RYR3: variants seen among roughly 807,000 people sequenced by gnomAD.
RYR3 encodes the protein ryanodine receptor 3, also known as brain ryanodine receptor-calcium release channel.
Under a neutral mutation model 584.3 loss-of-function variants are expected in RYR3, and 207 were observed. The observed-to-expected ratio is 0.35, with a 90% CI of 0.32 to 0.40. The LOEUF (loss-of-function observed/expected upper bound fraction) is 0.40, where lower values mean the gene tolerates loss of function less well. Among genes scored for constraint, RYR3 ranks in the 10% least tolerant of loss-of-function variants. The pLI is 1.00. For missense variants in RYR3, 5,616 were observed against 6,089.2 expected (o/e 0.92, Z 2.59); for synonymous variants, 2,416 against 2,248.5 (o/e 1.07, Z -2.11).
chr15:33,697,050 A>G (rs1034111429), intron 39 of RYR3, among the ~76,000 whole-genome samples: 1 of 152,148 alleles, frequency 6.6e-6, no homozygotes. Context: ...TGTTTTGCAG[A>G]TGAGAACACC....
chr15:33,854,615 G>T, intron 97 of RYR3, 151 bp from the exon 98 acceptor site: 1 of 1,107,210 alleles, frequency 9.0e-7, no homozygotes, highest in Non-Finnish European at 1.3e-6. Context: ...GGTAGATGGG[G>T]CTCACTTAGC....
At chr15:33,698,102 C>G (rs977732192) in intron 40 of RYR3, 106 bp downstream of exon 40, 2 of 757,110 alleles carry the variant, frequency 2.6e-6, no homozygotes, top group Admixed American at 3.7e-5. Context: ...AGTTTCTCTT[C>G]CAGGGAGAGG....
At chr15:33,554,511 C>T (rs938452747) in intron 10 of RYR3, among the ~76,000 whole-genome samples, 14 of 151,890 alleles carry the variant, frequency 9.2e-5, no homozygotes, top group South Asian at 2.1e-4. Context: ...TTAGCCAGGA[C>T]GGTCTCGATC....
chr15:33,402,325 G>A (rs1459726375), intron 1 of RYR3, among the ~76,000 whole-genome samples: 3 of 152,198 alleles, frequency 2.0e-5, no homozygotes, highest in Admixed American at 6.5e-5. Flanking sequence ...GAAGAGCCAT[G>A]AATAACACAG....
At position 33,817,334 on chromosome 15, in the gene RYR3, A is replaced by T. The variant is rs148456773; in HGVS notation, c.10599+376A>T. Reference sequence around the variant, plus strand: ...GTTCTGCTTTGGGGAAGATGCATCTAGATACCCTTCCTGCATCTTACATTT... The same window carrying T: ...GTTCTGCTTTGGGGAAGATGCATCTTGATACCCTTCCTGCATCTTACATTT... On this transcript the variant is annotated intron_variant, in intron 75 of 103. Coordinates refer to ENST00000634891, the MANE Select transcript of RYR3 (RefSeq NM_001036.6). Among the ~76,000 whole-genome samples, 333 of 152,324 alleles carry T rather than the reference A, an allele frequency of 2.2e-3. 2 individuals carry two copies. Among genetic ancestry groups the T allele is most frequent in the African/African-American group, 7.7e-3 (322 of 41,570 alleles).
At chr15:33,806,478 C>G (rs1198374720) in intron 69 of RYR3, among the ~76,000 whole-genome samples, 1 of 151,534 alleles carries the variant, frequency 6.6e-6, no homozygotes, top group East Asian at 1.9e-4. Context: ...CATAGCGAAA[C>G]CCTGTCTCTT....
rs143925772 is a variant in RYR3, at chr15:33,393,281, G to A, written c.52-80138G>A. Among the ~76,000 whole-genome samples the A allele has an allele frequency of 2.4e-3, 367 of 152,298 alleles. 1 individual carries two copies. The highest frequency in any genetic ancestry group is 3.7e-3 in the South Asian group (18 of 4,832). On this transcript the variant is annotated intron_variant, in intron 1 of 103. Coordinates refer to ENST00000634891, the MANE Select transcript of RYR3 (RefSeq NM_001036.6). ...TGAAAGAAACCTGCTGATTATTGTC[G>A]CATAACCGTGATTTGCTTTCAGAAC...
chr15:33,758,443 C>G (rs538931937), intron 60 of RYR3, among the ~76,000 whole-genome samples: 13 of 152,298 alleles, frequency 8.5e-5, no homozygotes, highest in African/African-American at 2.6e-4. Context: ...CTGGGACACT[C>G]GGGCTTGGTT....
At chr15:33,724,652 G>A (rs768651197) in intron 45 of RYR3, among the ~76,000 whole-genome samples, 1 of 152,200 alleles carries the variant, frequency 6.6e-6, no homozygotes, top group Admixed American at 6.5e-5. Flanking sequence ...TATTTTATGA[G>A]ATGTCTTCTC....
intron 93 of RYR3, among the ~76,000 whole-genome samples, chr15:33,845,582 C>T (rs1012316502): frequency 6.6e-6 from 1 of 152,128 alleles, no homozygotes; most frequent in Admixed American, 6.5e-5. Context: ...GAATCTACCA[C>T]TTAGCATGAT....
chr15:33,732,923 T>G (rs947440892), intron 48 of RYR3, among the ~76,000 whole-genome samples: 1 of 150,794 alleles, frequency 6.6e-6, no homozygotes, highest in Non-Finnish European at 1.5e-5. Flanking sequence ...AATGAGTTCT[T>G]TTCTAATCAC....
chr15:33,730,637 A>T (rs2068868885), intron 47 of RYR3, among the ~76,000 whole-genome samples: 1 of 152,244 alleles, frequency 6.6e-6, no homozygotes. Context: ...AATCACAGGA[A>T]ATGGCAATAT....
In RYR3 at chr15:33,562,917, T is replaced by C. The variant is rs1403406647; in HGVS notation, c.1053T>C (p.Ser351=). Residue 351 remains serine (S), a synonymous_variant, in exon 11 of 104, where the codon TCT becomes TCC. Coordinates refer to ENST00000634891, the MANE Select transcript of RYR3 (RefSeq NM_001036.6). ...MGVPEIKYGD[S]VCFVQHIASG... ...TTCCAGAAATCAAGTATGGAGATTC[T>C]GTCTGCTTTGTGCAGCATATAGCCA... is the stretch of plus-strand genomic sequence containing the variant. The C allele has an allele frequency of 1.2e-6, 2 of 1,613,722 alleles. No homozygotes were observed. The highest frequency in any genetic ancestry group is 1.7e-6 in the Non-Finnish European group (2 of 1,179,738).
rs1310966953 is a variant in RYR3, at chr15:33,664,605, A to G, written c.5619+868A>G. Among the ~76,000 whole-genome samples the G allele has an allele frequency of 3.7e-5, 5 of 136,106 alleles. 1 individual carries two copies. Among genetic ancestry groups the G allele is most frequent in the African/African-American group, 5.8e-5 (2 of 34,496 alleles). The allele number at this position is 136,106 out of a possible 152,430, so 89.3% of individuals were successfully genotyped here. A position where few individuals can be genotyped will look rare whatever the true frequency, so the allele number is the denominator to read the frequency against. On this transcript the variant is annotated intron_variant, in intron 36 of 103. Transcript: ENST00000634891. Reference sequence around the variant, plus strand: ...TGTGTGTGTGTATATATATATATATATATATATATACGTATGTATACATCT... The same window carrying G: ...TGTGTGTGTGTATATATATATATATGTATATATATACGTATGTATACATCT...
In RYR3 at chr15:33,593,328, C is replaced by T. The variant is rs149833895; in HGVS notation, c.1788+7212C>T. On this transcript the variant is annotated intron_variant, in intron 16 of 103. Transcript: ENST00000634891. Reference sequence around the variant, plus strand: ...AAGAGTCTCTGGTCTCAAGTTTCATCTGATCTCTCATAGCTAGAAGGGTTT... The same window carrying T: ...AAGAGTCTCTGGTCTCAAGTTTCATTTGATCTCTCATAGCTAGAAGGGTTT... Among the ~76,000 whole-genome samples the T allele has an allele frequency of 3.7e-3, 570 of 152,204 alleles. 2 individuals are homozygous for T. Among genetic ancestry groups the T allele is most frequent in the Middle Eastern group, 0.01 (3 of 294 alleles).
At chr15:33,383,993 T>C (rs974953883) in intron 1 of RYR3, among the ~76,000 whole-genome samples, 4 of 152,206 alleles carry the variant, frequency 2.6e-5, no homozygotes, top group Admixed American at 2.6e-4. Context: ...CATTATCTTA[T>C]GTCAATTAAC....
Position 33,696,220 on chromosome 15 carries a change from A to G in RYR3, c.5863A>G (p.Thr1955Ala). The G allele has an allele frequency of 1.2e-6, 2 of 1,612,560 alleles. No individual in the cohort carries two copies. Among genetic ancestry groups the G allele is most frequent in the Non-Finnish European group, 1.7e-6 (2 of 1,179,038 alleles). The part of the protein sequence containing the change: ...PTEEEERCPT[T>A]LKELISQTMI... ...GCTCCCTCCTGTTGTCCTTCCAGCAACATTGAAGGAACTCATCTCACAGAC... is the reference window on the plus strand; with the variant it reads ...GCTCCCTCCTGTTGTCCTTCCAGCAGCATTGAAGGAACTCATCTCACAGAC... The change falls in exon 39 of 104, where the codon ACA (threonine) becomes GCA (alanine). Residue 1955 changes from threonine (T) to alanine (A), a missense_variant and splice_region_variant. Physicochemically the swap from Thr to Ala is moderately conservative, Grantham distance 58. Around this residue, in one of 9 missense-constraint regions of RYR3, gnomAD observed 1,280 missense variants for 1,426.2 expected, o/e 0.90. Transcript: ENST00000634891.
intron 94 of RYR3, chr15:33,851,625 G>A (rs937646110): frequency 6.6e-6 from 1 of 152,170 alleles, no homozygotes; most frequent in African/African-American, 2.4e-5. Context: ...AGAATGCTCA[G>A]ATGAAGGTAA....
At chr15:33,505,242 C>A (rs1014552937) in intron 3 of RYR3, among the ~76,000 whole-genome samples, 3 of 152,160 alleles carry the variant, frequency 2.0e-5, no homozygotes, top group Admixed American at 2.0e-4. Flanking sequence ...TCTCTTGGGG[C>A]CACAGTGTTC....
Sources: allele counts gnomAD v4.1 joint callset (sites outside exome capture counted in the v4.1 genomes callset), GRCh38; gene constraint gnomAD v4.1.1; regional missense constraint gnomAD v4.1.1; transcripts MANE v1.5; gene names NCBI Gene and HGNC (gene_info 2026-07-23, HGNC 2026-07-21).